CCDC88C: variants seen among roughly 807,000 people sequenced by gnomAD.
CCDC88C encodes coiled-coil and HOOK domain protein 88C.
Under a neutral mutation model 198.8 loss-of-function variants are expected in CCDC88C, and 131 were observed. The ratio of observed to expected loss-of-function variants is 0.66; its 90% CI spans 0.57 to 0.76. CCDC88C has a LOEUF of 0.76. Ranked by LOEUF, CCDC88C falls within the 30% of genes least tolerant of loss-of-function variation. The probability of loss-of-function intolerance (pLI) is 0.00; values close to 1 mark genes in which losing one functional copy is unlikely to be tolerated. For missense variants in CCDC88C, 2,553 were observed against 2,631.6 expected (o/e 0.97, Z 0.65); for synonymous variants, 1,166 against 1,114.7 (o/e 1.05, Z -0.92).
chr14:91,339,479 A>AG lies in CCDC88C; in HGVS notation c.625-18dup, dbSNP rs1893213303. On this transcript the variant is annotated splice_polypyrimidine_tract_variant and intron_variant, in intron 7 of 29. Coordinates refer to ENST00000389857, the MANE Select transcript of CCDC88C (RefSeq NM_001080414.4). The surrounding 1 kb of genome is among the most constrained non-coding windows in gnomAD (Gnocchi z 5.8). ...CACGATCAGCTGCAGCCGGGCAGAG[A>AG]GGGGGATGGAGGAGAACAAACGGGG... 6.3e-7 allele frequency: 1 copy of AG among 1,594,244 alleles called. No homozygotes were observed. The highest frequency in any genetic ancestry group is 1.3e-5 in the African/African-American group (1 of 74,648).
At chr14:91,404,790 C>T (rs186138713) in intron 3 of CCDC88C, among the ~76,000 whole-genome samples, 11 of 151,904 alleles carry the variant, frequency 7.2e-5, no homozygotes, top group Admixed American at 3.3e-4. Context: ...GGTGAAAACC[C>T]GTCTCTACTA....
chr14:91,399,160 T>C (rs1434768833), intron 3 of CCDC88C, among the ~76,000 whole-genome samples: 1 of 152,190 alleles, frequency 6.6e-6, no homozygotes, highest in Non-Finnish European at 1.5e-5. Context: ...TCATTCTCCA[T>C]GCCTGCTTGT....
At chr14:91,363,419 C>A (rs2139911678) in intron 3 of CCDC88C, among the ~76,000 whole-genome samples, 1 of 151,994 alleles carries the variant, frequency 6.6e-6, no homozygotes, top group South Asian at 2.1e-4. Flanking sequence ...CCTTTGCATT[C>A]TTTTTCCATA....
chr14:91,374,739 C>T (rs1002972442), intron 3 of CCDC88C, among the ~76,000 whole-genome samples: 3 of 152,216 alleles, frequency 2.0e-5, no homozygotes, highest in Non-Finnish European at 4.4e-5. Flanking sequence ...AGGCTCATTC[C>T]GAAGCCTCAG....
chr14:91,342,703 C>A (rs1450430475), intron 5 of CCDC88C, among the ~76,000 whole-genome samples: 2 of 152,216 alleles, frequency 1.3e-5, no homozygotes, highest in African/African-American at 4.8e-5. Flanking sequence ...CGTAAGCCCC[C>A]ACCCAGATTG....
intron 26 of CCDC88C, among the ~76,000 whole-genome samples, chr14:91,282,115 G>A (rs1890223551): frequency 6.6e-6 from 1 of 152,180 alleles, no homozygotes; most frequent in Admixed American, 6.5e-5. Flanking sequence ...CCTGAGAGCA[G>A]ACCCTGGGTC....
At chr14:91,333,472 C>T (rs1247689940) in intron 10 of CCDC88C, among the ~76,000 whole-genome samples, 1 of 152,076 alleles carries the variant, frequency 6.6e-6, no homozygotes, top group East Asian at 1.9e-4. Context: ...TTTGGGATTT[C>T]GAATTGGTAA....
intron 10 of CCDC88C, among the ~76,000 whole-genome samples, chr14:91,331,394 G>A (rs1398834496): frequency 2.0e-5 from 3 of 152,204 alleles, no homozygotes; most frequent in Non-Finnish European, 4.4e-5. Context: ...GCCAGAGGAG[G>A]GTGGAGGAGG....
intron 21 of CCDC88C, among the ~76,000 whole-genome samples, chr14:91,299,648 A>C (rs1320062884): frequency 6.6e-6 from 1 of 152,196 alleles, no homozygotes; most frequent in Non-Finnish European, 1.5e-5. Flanking sequence ...CCAGATGATG[A>C]ATTCACCTGT....
intron 10 of CCDC88C, among the ~76,000 whole-genome samples, chr14:91,336,511 C>A: frequency 6.6e-6 from 1 of 152,318 alleles, no homozygotes; most frequent in Middle Eastern, 3.4e-3. Flanking sequence ...CCCTCCCACC[C>A]GGGGCATTTC....
chr14:91,299,691 G>A (rs1891182715), intron 21 of CCDC88C, among the ~76,000 whole-genome samples: 1 of 152,226 alleles, frequency 6.6e-6, no homozygotes, highest in Non-Finnish European at 1.5e-5. Context: ...AGGGTGGGAG[G>A]GGAGAACCAC....
intron 3 of CCDC88C, among the ~76,000 whole-genome samples, chr14:91,404,261 C>G (rs1210772162): frequency 2.6e-5 from 4 of 152,244 alleles, no homozygotes; most frequent in Non-Finnish European, 2.9e-5. Flanking sequence ...CCTGCTCCCT[C>G]TGGTAACCGC....
At chr14:91,295,832 G>C (rs910652000) in intron 22 of CCDC88C, among the ~76,000 whole-genome samples, 2 of 152,196 alleles carry the variant, frequency 1.3e-5, no homozygotes, top group Non-Finnish European at 2.9e-5. Context: ...TTTGGAGACA[G>C]GGTCCATAAA....
chr14:91,309,838 A>T (rs763297082), intron 16 of CCDC88C, 21 bp downstream of exon 16: 21 of 1,597,502 alleles, frequency 1.3e-5, no homozygotes, highest in Non-Finnish European at 1.8e-5. Flanking sequence ...CACGATGGGG[A>T]GAGGGAGAAG....
At chr14:91,336,851 G>A (rs976318427) in intron 10 of CCDC88C, among the ~76,000 whole-genome samples, 1 of 152,240 alleles carries the variant, frequency 6.6e-6, no homozygotes, top group Non-Finnish European at 1.5e-5. Flanking sequence ...CACAGAACAC[G>A]TAGAGATCCT....
At chr14:91,318,328 A>G (rs1271114155) in intron 13 of CCDC88C, among the ~76,000 whole-genome samples, 1 of 151,754 alleles carries the variant, frequency 6.6e-6, no homozygotes, top group Non-Finnish European at 1.5e-5. Context: ...ATGTGGGAGG[A>G]TTACTTGAGC....
At chr14:91,297,638 T>G in intron 21 of CCDC88C, 147 bp from the exon 22 acceptor site, 1 of 749,580 alleles carries the variant, frequency 1.3e-6, no homozygotes. Context: ...TTTTTTTTTT[T>G]TCCATGCATA....
chr14:91,342,748 T>G (rs1361026337), intron 5 of CCDC88C, among the ~76,000 whole-genome samples: 2 of 152,196 alleles, frequency 1.3e-5, no homozygotes, highest in Non-Finnish European at 2.9e-5. Flanking sequence ...CGCTTCATTT[T>G]AAACAAGCTC....
chr14:91,294,320 T>G lies in CCDC88C; in HGVS notation c.3967-2A>C. The G allele has an allele frequency of 6.2e-7, 1 of 1,613,800 alleles. No individual in the cohort carries two copies. Among genetic ancestry groups the G allele is most frequent in the Non-Finnish European group, 8.5e-7 (1 of 1,179,788 alleles). Reference sequence around the variant, plus strand: ...GTTCCCCTTGAGACGGGAGAGCAGCTAGAACACAGACCAACAGCGTCTCAG... The same window carrying G: ...GTTCCCCTTGAGACGGGAGAGCAGCGAGAACACAGACCAACAGCGTCTCAG... On this transcript the variant is annotated splice_acceptor_variant, in intron 22 of 29. Coordinates refer to ENST00000389857, the MANE Select transcript of CCDC88C (RefSeq NM_001080414.4). LOFTEE classifies it high-confidence loss of function.
Sources: gnomAD v4.1 joint callset for allele counts (sites outside exome capture counted in the v4.1 genomes callset) on GRCh38, gnomAD v4.1.1 for gene constraint, Gnocchi (gnomAD v3.1) non-coding constraint, MANE v1.5 for transcripts, NCBI Gene and HGNC (gene_info 2026-07-23, HGNC 2026-07-21) for gene names.